Variants in GRIK2 observed in about 807,000 individuals in gnomAD.
GRIK2 encodes the protein glutamate ionotropic receptor kainate type subunit 2, also known as glutamate receptor ionotropic, kainate 2.
GRIK2 carries 32 observed loss-of-function variants against 100.3 expected under a neutral mutation model. The observed-to-expected ratio is 0.32, with a 90% CI of 0.24 to 0.43. The LOEUF (loss-of-function observed/expected upper bound fraction) is 0.43, where lower values mean the gene tolerates loss of function less well. Among genes scored for constraint, GRIK2 ranks in the 20% least tolerant of loss-of-function variants. GRIK2 has a pLI of 1.00. For synonymous variants in GRIK2, 417 were observed against 389.4 expected (o/e 1.07, Z -0.83); for missense variants, 843 against 1,114.9 (o/e 0.76, Z 3.47).
At chr6:101,834,582 G>A (rs2764236) in intron 10 of GRIK2, among the ~76,000 whole-genome samples, 44,821 of 151,838 alleles carry the variant, frequency 0.3, 9,361 homozygotes, top group East Asian at 0.67. Flanking sequence ...AACACTCATC[G>A]CTTAAATCAA....
chr6:101,863,820 TA>T (rs1784883707), intron 11 of GRIK2, among the ~76,000 whole-genome samples: 1 of 152,198 alleles, frequency 6.6e-6, no homozygotes, highest in African/African-American at 2.4e-5. Flanking sequence ...ACAATGGGAA[TA>T]ATGATACTCA....
chr6:101,658,323 GT>G (rs1049590730), intron 4 of GRIK2, among the ~76,000 whole-genome samples: 1 of 152,114 alleles, frequency 6.6e-6, no homozygotes, highest in Non-Finnish European at 1.5e-5. Flanking sequence ...CTGTTCTTGT[GT>G]TAGTTTGCTG....
At chr6:101,431,804 C>T (rs1311091564) in intron 2 of GRIK2, among the ~76,000 whole-genome samples, 1 of 152,122 alleles carries the variant, frequency 6.6e-6, no homozygotes, top group Non-Finnish European at 1.5e-5. Flanking sequence ...ACATTTCCAA[C>T]ACTGAAGTGG....
chr6:101,411,815 C>T (rs1775895397), intron 2 of GRIK2, among the ~76,000 whole-genome samples: 2 of 152,018 alleles, frequency 1.3e-5, no homozygotes, highest in South Asian at 4.1e-4. Flanking sequence ...AACCCCATAG[C>T]CCAAAGGGAT....
At chr6:102,012,036 A>AT (rs1321398638) in intron 14 of GRIK2, among the ~76,000 whole-genome samples, 14 of 152,012 alleles carry the variant, frequency 9.2e-5, no homozygotes, top group Middle Eastern at 6.8e-3. Flanking sequence ...ATTTTGTATT[A>AT]TTTTTTGTGA....
At chr6:101,641,530 G>A (rs533284773) in intron 4 of GRIK2, among the ~76,000 whole-genome samples, 1 of 151,986 alleles carries the variant, frequency 6.6e-6, no homozygotes, top group South Asian at 2.1e-4. Context: ...TACAAATGAT[G>A]AGCTTTTTTT....
chr6:101,630,893 A>G (rs536256265), intron 4 of GRIK2, among the ~76,000 whole-genome samples: 2 of 151,064 alleles, frequency 1.3e-5, no homozygotes, highest in African/African-American at 2.4e-5. Flanking sequence ...TTTATTTATT[A>G]TGTATGCTGT....
intron 2 of GRIK2, among the ~76,000 whole-genome samples, chr6:101,521,410 AATT>A (rs1774877801): frequency 2.0e-5 from 3 of 151,956 alleles, no homozygotes; most frequent in Admixed American, 2.0e-4. Context: ...TTATTTTTGA[AATT>A]ATTTGTTTCA....
At chr6:101,997,299 T>A (rs1226340022) in intron 14 of GRIK2, among the ~76,000 whole-genome samples, 1 of 152,062 alleles carries the variant, frequency 6.6e-6, no homozygotes, top group Non-Finnish European at 1.5e-5. Context: ...CTCAGCCCCA[T>A]TGAGACCCAT....
chr6:102,016,292 AAG>A (rs1435059623), intron 14 of GRIK2, among the ~76,000 whole-genome samples: 1 of 152,166 alleles, frequency 6.6e-6, no homozygotes, highest in African/African-American at 2.4e-5. Flanking sequence ...AGTATAGAAA[AAG>A]AATATAACCA....
At chr6:102,040,089 C>A (rs1392432775) in intron 15 of GRIK2, among the ~76,000 whole-genome samples, 1 of 151,354 alleles carries the variant, frequency 6.6e-6, no homozygotes, top group Non-Finnish European at 1.5e-5. Flanking sequence ...CAGTGAGTAA[C>A]TATTTCTGTG....
intron 10 of GRIK2, among the ~76,000 whole-genome samples, chr6:101,842,680 C>G (rs1783587325): frequency 6.6e-6 from 1 of 152,134 alleles, no homozygotes; most frequent in Non-Finnish European, 1.5e-5. Context: ...AGAAAAAGAA[C>G]TTTCAGTAGA....
At chr6:101,744,522 G>GTA (rs1562351557) in intron 7 of GRIK2, 9 of 50,338 alleles carry the variant, frequency 1.8e-4, no homozygotes. Flanking sequence ...GTGCGTGCGC[G>GTA]CATATATATA....
At chr6:101,483,453 T>C (rs971801704) in intron 2 of GRIK2, among the ~76,000 whole-genome samples, 27 of 152,250 alleles carry the variant, frequency 1.8e-4, no homozygotes, top group African/African-American at 5.8e-4. Context: ...TATTCTTGCT[T>C]ATTTATGTCT....
intron 15 of GRIK2, among the ~76,000 whole-genome samples, chr6:102,036,715 G>A (rs1198998708): frequency 6.6e-6 from 1 of 151,356 alleles, no homozygotes; most frequent in Non-Finnish European, 1.5e-5. Flanking sequence ...CAGTCCTTCA[G>A]AGACATCACT....
Position 101,719,644 on chromosome 6 carries a change from G to A in GRIK2, c.951+33291G>A, listed in dbSNP as rs933429035. On this transcript the variant is annotated intron_variant, in intron 7 of 16. Transcript: ENST00000369134. ...GCTGGGAAAACATATATTTTATTTGGAATTTTTGTGTGGAGGTGATTGCAC... is the reference window on the plus strand; with the variant it reads ...GCTGGGAAAACATATATTTTATTTGAAATTTTTGTGTGGAGGTGATTGCAC... Among the ~76,000 whole-genome samples the A allele has an allele frequency of 2.0e-5, 3 of 151,932 alleles. No individual in the cohort carries two copies. In the East Asian group the frequency reaches 5.8e-4, roughly 30 times the overall value.
At chr6:101,852,191 A>G (rs2128440387) in intron 10 of GRIK2, among the ~76,000 whole-genome samples, 1 of 152,270 alleles carries the variant, frequency 6.6e-6, no homozygotes, top group Non-Finnish European at 1.5e-5. Context: ...AAACAAAACA[A>G]AACAAAACAA....
chr6:101,431,122 T>TG (rs768814983), intron 2 of GRIK2: 63 of 253,238 alleles, frequency 2.5e-4, no homozygotes, highest in Non-Finnish European at 4.8e-4. Flanking sequence ...CTGTTGGCCT[T>TG]GGGGTTCAGA....
intron 14 of GRIK2, among the ~76,000 whole-genome samples, chr6:102,002,983 G>A (rs1314403454): frequency 1.3e-5 from 2 of 151,166 alleles, no homozygotes; most frequent in Non-Finnish European, 3.0e-5. Flanking sequence ...GCTTGAATAG[G>A]ATTCTTTGAT....
Sources: allele counts gnomAD v4.1 joint callset (sites outside exome capture counted in the v4.1 genomes callset), GRCh38; gene constraint gnomAD v4.1.1; transcripts MANE v1.5; gene names NCBI Gene and HGNC (gene_info 2026-07-23, HGNC 2026-07-21).